Variants in STAT6 observed in about 807,000 individuals in gnomAD.
STAT6 encodes STAT, interleukin4-induced.
Under a neutral mutation model 106.3 loss-of-function variants are expected in STAT6, and 45 were observed. The observed-to-expected ratio is 0.42, with a 90% confidence interval of 0.33 to 0.54. The LOEUF is 0.54. STAT6 is among the 20% of genes least tolerant of loss of function. The pLI is 0.06. For synonymous variants in STAT6, 413 were observed against 413.6 expected, an observed-to-expected ratio of 1.00 and a Z score of 0.02; for missense variants, 797 against 1,062.2, an observed-to-expected ratio of 0.75 and a Z score of 3.47.
chr12:57,104,581 G>A lies in STAT6; in HGVS notation c.1095C>T (p.Leu365=), dbSNP rs1332433885. 1 of 1,613,924 alleles carries A rather than the reference G, an allele frequency of 6.2e-7. No individual in the cohort carries two copies. The highest frequency in any genetic ancestry group is 8.5e-7 in the Non-Finnish European group (1 of 1,179,984). Residue 365 remains leucine, a synonymous_variant, in exon 11 of 22, where the codon CTC becomes CTT. Transcript: ENST00000300134. ...CCSALFKNLL[L]KKIKRCERKG... is the part of the protein sequence containing the mutation. ...TCCGCTCACACCGCTTGATCTTCTT[G>A]AGAAGCTGTGGGTGGGGTGAGGGAG...
In STAT6 at chr12:57,096,739, G is replaced by A. The variant is rs763808660; in HGVS notation, c.2377C>T (p.Pro793Ser). 2 of 1,613,262 alleles carry A rather than the reference G, an allele frequency of 1.2e-6. No homozygotes were observed. Among genetic ancestry groups the A allele is most frequent in the East Asian group, 2.2e-5 (1 of 44,878 alleles). The part of the protein sequence containing the change: ...GTWIGEDIFP[P>S]LLPPTEQDLT... ...TCCTGTTCAGTGGGAGGCAGCAGAG[G>A]AGGGAATATGTCTTCACCAATCCTG... The change falls in exon 22 of 22, where the codon CCT becomes TCT. Residue 793 changes from proline (P) to serine (S), a missense_variant. This residue lies in a region of STAT6 where 226 missense variants were observed against 236.7 expected (regional missense o/e 0.95). Transcript: ENST00000300134.
Position 57,096,464 on chromosome 12 carries a change from G to A in STAT6, c.*108C>T. On this transcript the variant is annotated 3_prime_UTR_variant, in exon 22 of 22. Transcript: ENST00000300134. The stretch of plus-strand genomic sequence containing the variant: ...CTGACCCAGGAGTAGGTGGGGATAG[G>A]AGGGCACCCTCCCCATCTGCTGCTT... The A allele has an allele frequency of 8.9e-7, 1 of 1,120,342 alleles. No individual in the cohort carries two copies. The highest frequency in any genetic ancestry group is 1.3e-6 in the Non-Finnish European group (1 of 784,150). 69.4% of individuals were successfully genotyped at this position (1,120,342 alleles called of 1,614,324 possible). A position where few individuals can be genotyped will look rare whatever the true frequency, so the allele number is the denominator to read the frequency against.
At chr12:57,103,137 AG>A (rs1165689459) in intron 11 of STAT6, 1 of 449,388 alleles carries the variant, frequency 2.2e-6, no homozygotes, top group African/African-American at 2.0e-5. Flanking sequence ...CTGGAACTAC[AG>A]AAATGTACCA....
chr12:57,111,114 G>A lies in STAT6; in HGVS notation c.-22+15C>T, dbSNP rs2034557144. 1 of 148,452 alleles carries A rather than the reference G, an allele frequency of 6.7e-6. No homozygotes were observed. The highest frequency in any genetic ancestry group is 1.5e-5 in the Non-Finnish European group (1 of 67,496). 9.2% of individuals were successfully genotyped at this position (148,452 alleles called of 1,614,324 possible). ...CATAGAGGCCCCCGCACCCACCTCG[G>A]AGGCAACCCCTCACCTCGGCAACCC... On this transcript the variant is annotated intron_variant, in intron 1 of 21. Transcript: ENST00000300134.
rs575257117 is a variant in STAT6, at chr12:57,107,699, C to T, written c.161G>A (p.Ser54Asn). ...GSDAFCCNLA[S>N]ALLSDTVQHL... is the part of the protein sequence containing the mutation. ...CTGGACAGTGTCTGAAAGTAGGGCA[C>T]TAGCCAAGTTGCAGCAGAAGGCGTC... The change falls in exon 3 of 22, where the codon AGT (serine) becomes AAT (asparagine). Residue 54 changes from serine to asparagine, a missense_variant. Ser to Asn is a conservative substitution (Grantham distance 46). Transcript: ENST00000300134. 1 of 1,614,188 alleles carries T rather than the reference C, an allele frequency of 6.2e-7. No individual in the cohort carries two copies. Among genetic ancestry groups the T allele is most frequent in the Admixed American group, 1.7e-5 (1 of 60,030 alleles).
chr12:57,100,740 AAG>A lies in STAT6; in HGVS notation c.1513-652_1513-651del, dbSNP rs374573628. On this transcript the variant is annotated intron_variant, in intron 13 of 21. Coordinates refer to ENST00000300134, the MANE Select transcript of STAT6 (RefSeq NM_003153.5). ...AAAGAAAGAAAGAAAGAAAGAAAGA[AAG>A]AAAGAAAAGAAAAAAAAACCAAAAC... The A allele has an allele frequency of 7.3e-3, 1,898 of 259,694 alleles. 19 individuals carry two copies. Among genetic ancestry groups the A allele is most frequent in the Middle Eastern group, 0.011 (8 of 698 alleles). 16.1% of individuals were successfully genotyped at this position (259,694 alleles called of 1,614,324 possible).
At chr12:57,108,483 G>A (rs1321790871) in intron 1 of STAT6, among the ~76,000 whole-genome samples, 184 bp from the exon 2 acceptor site, 4 of 152,224 alleles carry the variant, frequency 2.6e-5, no homozygotes, top group African/African-American at 9.6e-5. Flanking sequence ...CTCCTTCAGT[G>A]ATAGACACAG....
At chr12:57,108,434 A>G in intron 1 of STAT6, 135 bp from the exon 2 acceptor site, 1 of 593,116 alleles carries the variant, frequency 1.7e-6, no homozygotes, top group Non-Finnish European at 3.1e-6. Flanking sequence ...ACCACCTTAA[A>G]CCAGGGGCAT....
intron 13 of STAT6, chr12:57,100,700 G>GAAAGAAAGAGAGAGAA: frequency 1.6e-5 from 1 of 62,968 alleles, no homozygotes; most frequent in Admixed American, 2.2e-4. Context: ...AAGAAAGAAA[G>GAAAGAAAGAGAGAGAA]AGAAAGAAAG....
rs2034405086 is a variant in STAT6, at chr12:57,108,423, G to A, written c.-21-124C>T. The A allele has an allele frequency of 2.1e-5, 13 of 617,588 alleles. No individual in the cohort carries two copies. The South Asian group carries it at 2.1e-4, about 10-fold the overall frequency. 38.3% of individuals were successfully genotyped at this position (617,588 alleles called of 1,614,324 possible). On this transcript the variant is annotated intron_variant, in intron 1 of 21. Coordinates refer to ENST00000300134, the MANE Select transcript of STAT6 (RefSeq NM_003153.5). ...CCGTCCCCACCACCACTCATGGCCAGACCACCTTAAACCAGGGGCATCCTG... is the reference window on the plus strand; with the variant it reads ...CCGTCCCCACCACCACTCATGGCCAAACCACCTTAAACCAGGGGCATCCTG...
chr12:57,104,211 G>C, intron 11 of STAT6: 1 of 512,550 alleles, frequency 2.0e-6, no homozygotes, highest in Non-Finnish European at 3.5e-6. Flanking sequence ...ACGCATGTGC[G>C]TATGTATCAT....
At chr12:57,107,854 A>C in intron 2 of STAT6, 111 bp from the exon 3 acceptor site, 3 of 1,437,532 alleles carry the variant, frequency 2.1e-6, no homozygotes, top group Non-Finnish European at 2.8e-6. Context: ...CTTATTCTCC[A>C]TCTAGGCCCT....
chr12:57,111,069 C>G (rs1478152959), intron 1 of STAT6, 60 bp downstream of exon 1: 1 of 151,680 alleles, frequency 6.6e-6, no homozygotes, highest in Non-Finnish European at 1.5e-5. Flanking sequence ...GCTCCCCCCA[C>G]GAATCCACCC....
rs761915854 is a variant in STAT6, at chr12:57,099,827, G to A, written c.1684C>T (p.Arg562Cys). 3.1e-6 allele frequency: 5 copies of A among 1,614,242 alleles called. No individual in the cohort carries two copies. The highest frequency in any genetic ancestry group is 2.5e-6 in the Non-Finnish European group (3 of 1,180,044). The part of the protein sequence containing the change: ...LNEPDGTFLL[R>C]FSDSEIGGIT... ...CCCCCAATCTCTGAGTCGCTGAAGC[G>A]GAGGAGAAAGGTTCCGTCGGGCTCA... Residue 562 changes from arginine (R) to cysteine (C), a missense_variant, in exon 15 of 22, where the codon CGC becomes TGC. Transcript: ENST00000300134. The surrounding 1 kb of genome is among the most constrained non-coding windows in gnomAD (Gnocchi z 4.7).
In STAT6 at chr12:57,099,949, A is replaced by C; in HGVS notation, c.1608-46T>G. 1.2e-6 allele frequency: 2 copies of C among 1,614,170 alleles called. No individual in the cohort carries two copies. Among genetic ancestry groups the C allele is most frequent in the Non-Finnish European group, 1.7e-6 (2 of 1,180,022 alleles). On this transcript the variant is annotated intron_variant, in intron 14 of 21. Coordinates refer to ENST00000300134, the MANE Select transcript of STAT6 (RefSeq NM_003153.5). This position sits in a 1 kb window ranked among gnomAD's most constrained non-coding sequence, Gnocchi z 4.7. ...GATGGGGCATGGGCAGTGAGTATGG[A>C]GGTGACTGGTGTATGGCTGCTCAGA...
At position 57,106,844 on chromosome 12, in the gene STAT6, G is replaced by A. The variant is rs2034313034; in HGVS notation, c.340-13C>T. 1 of 1,613,132 alleles carries A rather than the reference G, an allele frequency of 6.2e-7. No individual in the cohort carries two copies. The highest frequency in any genetic ancestry group is 8.5e-7 in the Non-Finnish European group (1 of 1,179,986). On this transcript the variant is annotated splice_polypyrimidine_tract_variant and intron_variant, in intron 4 of 21. Transcript: ENST00000300134. ...GCAAGTGGCGGAACTACACAGGAAG[G>A]ACAGATGCCAAGAAGTGAAACACTC...
Position 57,105,292 on chromosome 12 carries a change from G to A in STAT6, c.860C>T (p.Thr287Ile). Residue 287 changes from threonine (T) to isoleucine (I), a missense_variant, in exon 9 of 22, where the codon ACC (threonine) becomes ATC (isoleucine). Around this residue, in one of 4 missense-constraint regions of STAT6, gnomAD observed 336 missense variants for 429.8 expected, o/e 0.78. Transcript: ENST00000300134. ...GAATCGAACTCCAGCCTGGAACTTG[G>A]TCTGAGTCTTCAGTACCTGGGGGGG... ...KQPPQVLKTQ[T>I]KFQAGVRFLL... is the part of the protein sequence containing the mutation. 1 of 1,614,184 alleles carries A rather than the reference G, an allele frequency of 6.2e-7. No homozygotes were observed. The highest frequency in any genetic ancestry group is 8.5e-7 in the Non-Finnish European group (1 of 1,180,022).
At chr12:57,105,108 C>A (rs753032367) in intron 9 of STAT6, 43 bp downstream of exon 9, 10 of 1,575,504 alleles carry the variant, frequency 6.3e-6, no homozygotes, top group Non-Finnish European at 8.6e-6. Context: ...GCCTCCATCA[C>A]CCTAACAGCC....
Position 57,105,310 on chromosome 12 carries a change from TG to T in STAT6, c.841del (p.Gln281ArgfsTer3). On this transcript the variant is annotated frameshift_variant, in exon 9 of 22. Coordinates refer to ENST00000300134, the MANE Select transcript of STAT6 (RefSeq NM_003153.5). LOFTEE classifies it high-confidence loss of function. ...GAACTTGGTCTGAGTCTTCAGTACC[TG>T]GGGGGGCTGCTTCTCCACCAGGAAG... ...SCFLVEKQPPQVLKTQTKFQA... is the reference protein window; with the variant it reads ...SCFLVEKQPPXVLKTQTKFQA... 2.5e-6 allele frequency: 4 copies of T among 1,613,956 alleles called. No homozygotes were observed. Among genetic ancestry groups the T allele is most frequent in the Non-Finnish European group, 3.4e-6 (4 of 1,179,934 alleles).
Sources: gnomAD v4.1 joint callset for allele counts (sites outside exome capture counted in the v4.1 genomes callset) on GRCh38, gnomAD v4.1.1 for gene constraint, gnomAD v4.1.1 regional missense constraint, Gnocchi (gnomAD v3.1) non-coding constraint, MANE v1.5 for transcripts, NCBI Gene and HGNC (gene_info 2026-07-23, HGNC 2026-07-21) for gene names.